The following FHAD1 variants were observed in gnomAD, a reference collection of about 807,000 sequenced individuals.
FHAD1 encodes the protein forkhead associated phosphopeptide binding domain 1.
In FHAD1, 146 loss-of-function variants were observed where a neutral mutation model predicts 191.3. That is an observed-to-expected ratio of 0.76 (90% CI 0.67 to 0.88). The LOEUF (loss-of-function observed/expected upper bound fraction) is 0.88, where lower values mean the gene tolerates loss of function less well. Ranked by LOEUF, FHAD1 falls within the 40% of genes least tolerant of loss-of-function variation. FHAD1 has a pLI of 0.00. For synonymous variants in FHAD1, 616 were observed against 672.3 expected (o/e 0.92, Z 1.29); for missense variants, 1,635 against 1,785.8 (o/e 0.92, Z 1.52).
At chr1:15,287,287 G>GCCTGGCCAGGTGTCCCCAGATGTATTAGT (rs1662803868) in intron 3 of FHAD1, 1 of 152,294 alleles carries the variant, frequency 6.6e-6, no homozygotes, top group Non-Finnish European at 1.5e-5. Flanking sequence ...TCATTTGAAT[G>GCCTGGCCAGGTGTCCCCAGATGTATTAGT]CCTGGCCAGG....
intron 18 of FHAD1, 171 bp downstream of exon 18, chr1:15,345,694 C>G (rs1387197867): frequency 1.9e-5 from 12 of 619,148 alleles, no homozygotes; most frequent in Admixed American, 5.7e-5. Flanking sequence ...AAGGAGGGAA[C>G]CCTGGAGTTG....
intron 33 of FHAD1, chr1:15,393,047 C>A (rs1557467447): frequency 1.3e-5 from 2 of 152,084 alleles, no homozygotes; most frequent in Non-Finnish European, 2.9e-5. Flanking sequence ...GGCAGCATCA[C>A]CCCCGAGGGG....
intron 10 of FHAD1, 35 bp from the exon 11 acceptor site, chr1:15,324,417 T>C: frequency 6.8e-7 from 1 of 1,472,068 alleles, no homozygotes; most frequent in Non-Finnish European, 9.3e-7. Context: ...TATGATCACA[T>C]TAGCAGCAAG....
chr1:15,288,393 A>G (rs1038993926), intron 3 of FHAD1, among the ~76,000 whole-genome samples: 1 of 152,220 alleles, frequency 6.6e-6, no homozygotes, highest in Admixed American at 6.5e-5. Context: ...CATGCTCTCC[A>G]CTGAAAGCAG....
At chr1:15,368,260 C>T (rs147608937) in intron 25 of FHAD1, among the ~76,000 whole-genome samples, 1,553 of 152,248 alleles carry the variant, frequency 0.01, 32 homozygotes, top group African/African-American at 0.035. Flanking sequence ...AGGCATGAGC[C>T]ACCGCGCCCG....
In FHAD1 at chr1:15,329,814, G is replaced by T; in HGVS notation, c.1906+273G>T. On this transcript the variant is annotated intron_variant, in intron 14 of 33. Transcript: ENST00000688493. The surrounding 1 kb of genome is among the most constrained non-coding windows in gnomAD (Gnocchi z 5.0). ...AAATTATGCAAAGTCTAATTACGCT[G>T]TTTAACCTCCAAGGCATTTTCCCAT... 1 of 437,436 alleles carries T rather than the reference G, an allele frequency of 2.3e-6. No homozygotes were observed. Among genetic ancestry groups the T allele is most frequent in the Non-Finnish European group, 4.2e-6 (1 of 240,028 alleles). 27.1% of individuals were successfully genotyped at this position (437,436 alleles called of 1,614,324 possible).
At chr1:15,299,259 A>C (rs1003012534) in intron 5 of FHAD1, among the ~76,000 whole-genome samples, 1 of 150,968 alleles carries the variant, frequency 6.6e-6, no homozygotes, top group South Asian at 2.1e-4. Flanking sequence ...TTATTGTCTT[A>C]TCTTATTGGA....
At chr1:15,301,540 G>GT (rs1361667357) in intron 6 of FHAD1, 99 bp downstream of exon 6, 1 of 942,318 alleles carries the variant, frequency 1.1e-6, no homozygotes, top group Non-Finnish European at 1.6e-6. Flanking sequence ...TAGGGAACGC[G>GT]TGGTCAGTGG....
intron 26 of FHAD1, among the ~76,000 whole-genome samples, chr1:15,369,722 C>T (rs963341725): frequency 1.8e-4 from 28 of 152,220 alleles, no homozygotes; most frequent in African/African-American, 6.3e-4. Flanking sequence ...ATCTTTCCCT[C>T]GGAGAGGCCT....
intron 5 of FHAD1, among the ~76,000 whole-genome samples, chr1:15,298,334 C>T (rs759368008): frequency 5.3e-5 from 8 of 152,100 alleles, no homozygotes; most frequent in Non-Finnish European, 1.2e-4. Context: ...GCTATGAGGA[C>T]GCAAAGGCAT....
At chr1:15,261,824 G>C (rs1346831223) in intron 2 of FHAD1, among the ~76,000 whole-genome samples, 1 of 152,164 alleles carries the variant, frequency 6.6e-6, no homozygotes, top group African/African-American at 2.4e-5. Context: ...GCGCAGGATG[G>C]CCAAGGACCA....
intron 25 of FHAD1, among the ~76,000 whole-genome samples, chr1:15,368,079 C>G (rs1343613239): frequency 6.6e-6 from 1 of 152,208 alleles, no homozygotes; most frequent in Non-Finnish European, 1.5e-5. Flanking sequence ...TCAAGCCATT[C>G]TCTTGCCTCA....
chr1:15,401,188 G>A (rs1304863209), downstream of FHAD1, among the ~76,000 whole-genome samples: 3 of 152,242 alleles, frequency 2.0e-5, no homozygotes, highest in East Asian at 3.8e-4. Flanking sequence ...GAGGAAATGA[G>A]GAAGGTCAGA....
intron 8 of FHAD1, among the ~76,000 whole-genome samples, 162 bp downstream of exon 8, chr1:15,313,349 T>C (rs939396537): frequency 6.0e-5 from 9 of 150,004 alleles, no homozygotes; most frequent in Non-Finnish European, 1.0e-4. Context: ...GGGGTGGGCG[T>C]TGGGGGCAAA....
chr1:15,241,186 T>C (rs886477291), intron 1 of FHAD1, among the ~76,000 whole-genome samples: 8 of 152,180 alleles, frequency 5.3e-5, no homozygotes, highest in African/African-American at 1.7e-4. Flanking sequence ...TAAGCAGCAA[T>C]TGATAACCAA....
At chr1:15,319,059 GCC>G (rs1425985193) in intron 10 of FHAD1, among the ~76,000 whole-genome samples, 1 of 151,882 alleles carries the variant, frequency 6.6e-6, no homozygotes, top group Non-Finnish European at 1.5e-5. Context: ...TGAACTGCTG[GCC>G]TCAAGCAGTC....
intron 29 of FHAD1, 41 bp downstream of exon 29, chr1:15,380,837 T>G: frequency 6.8e-7 from 1 of 1,481,038 alleles, no homozygotes; most frequent in Non-Finnish European, 9.2e-7. Flanking sequence ...ATCCAAAGCC[T>G]GGGGCCCCTG....
chr1:15,323,176 A>G (rs1157101784), intron 10 of FHAD1, among the ~76,000 whole-genome samples: 3 of 152,156 alleles, frequency 2.0e-5, no homozygotes, highest in Admixed American at 2.0e-4. Context: ...CACACAGCCA[A>G]ACCCTATCAC....
In FHAD1 at chr1:15,318,494, TGTG is replaced by T; in HGVS notation, c.1365+571_1365+573del. 6.6e-6 allele frequency among the ~76,000 whole-genome samples: 1 copy of T among 152,174 alleles called. No individual in the cohort carries two copies. Among genetic ancestry groups the T allele is most frequent in the Admixed American group, 6.5e-5 (1 of 15,284 alleles). ...ACTAAAAATACAAAAATTAGCCAGA[TGTG>T]GTGGCGGAGGCCTGTAATTCCAGCC... On this transcript the variant is annotated intron_variant, in intron 10 of 33. Coordinates refer to ENST00000688493, the MANE Select transcript of FHAD1 (RefSeq NM_001391957.1). This position sits in a 1 kb window ranked among gnomAD's most constrained non-coding sequence, Gnocchi z 4.1.
Sources: allele counts gnomAD v4.1 joint callset (sites outside exome capture counted in the v4.1 genomes callset), GRCh38; gene constraint gnomAD v4.1.1; non-coding constraint Gnocchi (gnomAD v3.1); transcripts MANE v1.5; gene names NCBI Gene and HGNC (gene_info 2026-07-23, HGNC 2026-07-21).